The following MYLK3 variants were observed in gnomAD, a reference collection of about 807,000 sequenced individuals.
The protein encoded by MYLK3 is MLC kinase.
Under a neutral mutation model 76.3 loss-of-function variants are expected in MYLK3, and 55 were observed. The ratio of observed to expected loss-of-function variants is 0.72; its 90% CI spans 0.58 to 0.90. The LOEUF is 0.90. Ranked by LOEUF, MYLK3 falls within the 40% of genes least tolerant of loss-of-function variation. The pLI, the probability that MYLK3 is intolerant of heterozygous loss-of-function variation, is 0.00. For synonymous variants in MYLK3, 416 were observed against 425.4 expected (o/e 0.98, Z 0.27); for missense variants, 973 against 1,053.6 (o/e 0.92, Z 1.06).
intron 8 of MYLK3, among the ~76,000 whole-genome samples, chr16:46,724,630 C>T (rs961967097): frequency 3.9e-5 from 6 of 152,178 alleles, no homozygotes; most frequent in African/African-American, 1.2e-4. Flanking sequence ...TATGTCTAGA[C>T]TCTCAAGTGT....
intron 8 of MYLK3, among the ~76,000 whole-genome samples, chr16:46,722,526 C>T (rs185977225): frequency 6.6e-6 from 1 of 152,136 alleles, no homozygotes; most frequent in Non-Finnish European, 1.5e-5. Flanking sequence ...GTTTAAAAAT[C>T]TCTGTCTTCT....
At position 46,710,788 on chromosome 16, in the gene MYLK3, G is replaced by C. The variant is rs763181218; in HGVS notation, c.2116C>G (p.Leu706Val). The change falls in exon 11 of 13, where the codon CTC becomes GTC. Residue 706 changes from leucine (L) to valine (V), a missense_variant and splice_region_variant. By Grantham distance (32) the Leu-to-Val change is conservative. Transcript: ENST00000394809. ...CCTAGAAATGGGGACAAGCCACTGA[G>C]TCTATAGAAGAGAGAAAGGACCATC... is the stretch of plus-strand genomic sequence containing the variant. ...WSVGVITYML[L>V]SGLSPFLGET... 2.0e-5 allele frequency: 32 copies of C among 1,613,962 alleles called. 1 individual carries two copies. The South Asian group carries it at 3.2e-4, about 16-fold the overall frequency.
chr16:46,736,612 T>G (rs186750637), intron 3 of MYLK3, among the ~76,000 whole-genome samples: 91 of 152,244 alleles, frequency 6.0e-4, no homozygotes, highest in Non-Finnish European at 9.7e-4. Flanking sequence ...CAGGAACCCC[T>G]TCCTCCATCC....
At chr16:46,717,204 C>T (rs879778233) in intron 9 of MYLK3, among the ~76,000 whole-genome samples, 13 of 152,090 alleles carry the variant, frequency 8.5e-5, no homozygotes, top group Non-Finnish European at 1.8e-4. Context: ...CGCTATCTCC[C>T]GGTAGGGGAT....
intron 3 of MYLK3, among the ~76,000 whole-genome samples, chr16:46,733,344 G>A (rs540382563): frequency 2.0e-5 from 3 of 152,272 alleles, no homozygotes; most frequent in East Asian, 3.9e-4. Flanking sequence ...GACAGAGTGA[G>A]AGACCCTGTC....
chr16:46,747,970 G>A lies in MYLK3; in HGVS notation c.224C>T (p.Pro75Leu), dbSNP rs151009173. 2.5e-4 allele frequency: 404 copies of A among 1,613,178 alleles called. No homozygotes were observed. The highest frequency in any genetic ancestry group is 3.3e-4 in the Non-Finnish European group (385 of 1,179,822). ...HRLEASRAPG[P>L]GGADGVPHID... is the part of the protein sequence containing the mutation. ...GTGGGGAACCCCATCAGCCCCGCCC[G>A]GGCCCGGTGCCCGGGAGGCCTCCAG... The change falls in exon 1 of 13, where the codon CCG becomes CTG. Residue 75 changes from proline to leucine, a missense_variant. Physicochemically the swap from Pro to Leu is moderately conservative, Grantham distance 98. This residue lies in a region of MYLK3 where 641 missense variants were observed against 637.0 expected (regional missense o/e 1.01). Coordinates refer to ENST00000394809, the MANE Select transcript of MYLK3 (RefSeq NM_182493.3).
chr16:46,731,234 G>A (rs28174), intron 4 of MYLK3, among the ~76,000 whole-genome samples: 120,277 of 152,214 alleles, frequency 0.79, 48,476 homozygotes, highest in East Asian at 1. Flanking sequence ...GGCAGGCCCC[G>A]GGGCACAGGA....
chr16:46,753,900 G>A (rs915404563), intron 1 of MYLK3, among the ~76,000 whole-genome samples: 2 of 152,186 alleles, frequency 1.3e-5, no homozygotes, highest in Admixed American at 6.5e-5. Context: ...GTGACAGGAC[G>A]AGACCCTGTC....
At chr16:46,746,483 C>T (rs1967025118) in intron 1 of MYLK3, among the ~76,000 whole-genome samples, 1 of 152,156 alleles carries the variant, frequency 6.6e-6, no homozygotes, top group African/African-American at 2.4e-5. Flanking sequence ...TGCACTGGCA[C>T]AAACATAGCT....
intron 1 of MYLK3, among the ~76,000 whole-genome samples, chr16:46,761,911 GAAAA>G (rs11309990): frequency 6.3e-5 from 9 of 142,730 alleles, no homozygotes; most frequent in Non-Finnish European, 6.1e-5. Flanking sequence ...CTGCTAGCAT[GAAAA>G]AAAAAAAAAA....
chr16:46,732,972 C>T (rs1966855800), intron 3 of MYLK3, among the ~76,000 whole-genome samples: 1 of 152,214 alleles, frequency 6.6e-6, no homozygotes, highest in Non-Finnish European at 1.5e-5. Context: ...CTCTACCTTC[C>T]CCTGGGCCCA....
At chr16:46,757,801 G>C (rs757990215) in intron 1 of MYLK3, among the ~76,000 whole-genome samples, 3 of 152,186 alleles carry the variant, frequency 2.0e-5, no homozygotes, top group Non-Finnish European at 4.4e-5. Context: ...AACAAACACC[G>C]TGTGGTCCAA....
intron 4 of MYLK3, 126 bp downstream of exon 4, chr16:46,732,082 G>T: frequency 1.2e-6 from 1 of 803,012 alleles, no homozygotes; most frequent in South Asian, 1.9e-5. Context: ...AGATGTTCCC[G>T]ACTCTTGGAC....
chr16:46,707,806 T>G (rs776279125), intron 12 of MYLK3, 43 bp from the exon 13 acceptor site: 26 of 1,420,410 alleles, frequency 1.8e-5, no homozygotes, highest in Admixed American at 7.1e-5. Context: ...AAGCATGTAT[T>G]TTAGACCAGT....
intron 9 of MYLK3, among the ~76,000 whole-genome samples, chr16:46,720,844 G>GC (rs1379838124): frequency 6.6e-6 from 1 of 152,166 alleles, no homozygotes; most frequent in Non-Finnish European, 1.5e-5. Context: ...TCGCTCAGCA[G>GC]CCCCCTTCAC....
chr16:46,707,825 G>A, intron 12 of MYLK3, 62 bp from the exon 13 acceptor site: 1 of 1,270,678 alleles, frequency 7.9e-7, no homozygotes, highest in South Asian at 1.3e-5. Flanking sequence ...GTTGCCTTAT[G>A]AAGAAACAAT....
At chr16:46,718,948 G>A (rs772350103) in intron 9 of MYLK3, among the ~76,000 whole-genome samples, 14 of 151,994 alleles carry the variant, frequency 9.2e-5, no homozygotes, top group Non-Finnish European at 1.9e-4. Flanking sequence ...AAAAAAAAGA[G>A]GAAGAAGAAA....
At chr16:46,737,630 T>C in intron 3 of MYLK3, 81 bp downstream of exon 3, 1 of 1,356,424 alleles carries the variant, frequency 7.4e-7, no homozygotes, top group Non-Finnish European at 1.0e-6. Flanking sequence ...ATGTATGCAG[T>C]GGATGCTGCC....
intron 12 of MYLK3, 101 bp downstream of exon 12, chr16:46,709,438 A>T (rs868770872): frequency 2.2e-6 from 3 of 1,352,474 alleles, no homozygotes; most frequent in Non-Finnish European, 2.0e-6. Context: ...CAAACCCAAA[A>T]AGAAGAAAAA....
Sources: gnomAD v4.1 joint callset for allele counts (sites outside exome capture counted in the v4.1 genomes callset) on GRCh38, gnomAD v4.1.1 for gene constraint, gnomAD v4.1.1 regional missense constraint, MANE v1.5 for transcripts, NCBI Gene and HGNC (gene_info 2026-07-23, HGNC 2026-07-21) for gene names.